The following SPRN variants were observed in gnomAD, a reference collection of about 807,000 sequenced individuals.
SPRN encodes hypothetical protein BC004409.
For missense variants in SPRN, 312 were observed against 241.4 expected, an observed-to-expected ratio of 1.29 and a Z score of -1.94; for synonymous variants, 182 against 123.4, an observed-to-expected ratio of 1.48 and a Z score of -3.15.
chr10:133,423,366 C>T lies in SPRN; in HGVS notation c.316G>A (p.Gly106Arg), dbSNP rs1362473859. 3.3e-6 allele frequency: 5 copies of T among 1,508,600 alleles called. No homozygotes were observed. The highest frequency in any genetic ancestry group is 2.5e-5 in the South Asian group (2 of 81,102). The allele number at this position is 1,508,600 out of a possible 1,614,324, so 93.5% of individuals were successfully genotyped here. A position where few individuals can be genotyped will look rare whatever the true frequency, so the allele number is the denominator to read the frequency against. ...GERGLEDEED[G>R]VPGGNGTGPG... ...CCTGTCCCGTTGCCTCCGGGCACCC[C>T]GTCCTCCTCGTCCTCCAGGCCGCGT... is the stretch of plus-strand genomic sequence containing the variant. Residue 106 changes from glycine to arginine, a missense_variant, in exon 2 of 2, where the codon GGG (glycine) becomes AGG (arginine). By Grantham distance (125) the Gly-to-Arg change is moderately radical (BLOSUM62 -2). Transcript: ENST00000685335.
At position 133,423,451 on chromosome 10, in the gene SPRN, C is replaced by T. The variant is rs1341971339; in HGVS notation, c.231G>A (p.Ala77=). 19 of 1,223,406 alleles carry T rather than the reference C, an allele frequency of 1.6e-5. No homozygotes were observed. The highest frequency in any genetic ancestry group is 7.3e-5 in the South Asian group (2 of 27,264). The allele number at this position is 1,223,406 out of a possible 1,614,324, so 75.8% of individuals were successfully genotyped here. A position where few individuals can be genotyped will look rare whatever the true frequency, so the allele number is the denominator to read the frequency against. ...AAAGAAAGAA[A]GAAAGLAAGS... ...CCGCCGCCAGGCCCGCGGCCGCTCCCGCCGCCGCCCCGGCTGCCGCCCCGG... is the reference window on the plus strand; with the variant it reads ...CCGCCGCCAGGCCCGCGGCCGCTCCTGCCGCCGCCCCGGCTGCCGCCCCGG... Residue 77 remains alanine, a synonymous_variant, in exon 2 of 2, where the codon GCG becomes GCA. Transcript: ENST00000685335.
chr10:133,423,715 A>G lies in SPRN; in HGVS notation c.-16-18T>C. On this transcript the variant is annotated intron_variant, in intron 1 of 1. Coordinates refer to ENST00000685335, the MANE Select transcript of SPRN (RefSeq NM_001391974.1). ...GGCTAAACCTGCGGGAAGAGAGGGAAAGGGCCCTTAGTTTCCATGGAGATC... is the reference window on the plus strand; with the variant it reads ...GGCTAAACCTGCGGGAAGAGAGGGAGAGGGCCCTTAGTTTCCATGGAGATC... 2 of 1,456,664 alleles carry G rather than the reference A, an allele frequency of 1.4e-6. No homozygotes were observed. The highest frequency in any genetic ancestry group is 1.8e-6 in the Non-Finnish European group (2 of 1,084,782). The allele number at this position is 1,456,664 out of a possible 1,614,324, so 90.2% of individuals were successfully genotyped here.
chr10:133,422,242 G>A lies in SPRN; in HGVS notation c.*984C>T. The A allele has an allele frequency of 6.6e-6, 1 of 152,514 alleles. No individual in the cohort carries two copies. The highest frequency in any genetic ancestry group is 1.5e-5 in the Non-Finnish European group (1 of 68,170). The allele number at this position is 152,514 out of a possible 1,614,324, so 9.4% of individuals were successfully genotyped here. A position where few individuals can be genotyped will look rare whatever the true frequency, so the allele number is the denominator to read the frequency against. On this transcript the variant is annotated 3_prime_UTR_variant, in exon 2 of 2. Transcript: ENST00000685335. ...GGCTCCACTGAGCAGGCCGTCAGCT[G>A]CCAGCCCACCACGCGGATACCCAGG... is the stretch of plus-strand genomic sequence containing the variant.
In SPRN at chr10:133,423,244, CA is replaced by C; in HGVS notation, c.437del (p.Leu146ArgfsTer71). Reference sequence around the variant, plus strand: ...GCCAGGCCTAGGGCCGCAGCAGCCCCAGGGCTCCGAGGGCGCCGCCCAGCAC... The same window carrying C: ...GCCAGGCCTAGGGCCGCAGCAGCCCCGGGCTCCGAGGGCGCCGCCCAGCAC... ...CLVLGGALGALGLLRP is the reference protein window; with the variant it reads ...CLVLGGALGAXGLLRP On this transcript the variant is annotated frameshift_variant, in exon 2 of 2. Transcript: ENST00000685335. LOFTEE classifies it high-confidence loss of function. 2.0e-6 allele frequency: 3 copies of C among 1,477,708 alleles called. No homozygotes were observed. Among genetic ancestry groups the C allele is most frequent in the Non-Finnish European group, 2.7e-6 (3 of 1,115,892 alleles). The allele number at this position is 1,477,708 out of a possible 1,614,324, so 91.5% of individuals were successfully genotyped here. A position where few individuals can be genotyped will look rare whatever the true frequency, so the allele number is the denominator to read the frequency against.
rs1463824738 is a variant in SPRN, at chr10:133,423,463, G to A, written c.219C>T (p.Ala73=). The A allele has an allele frequency of 4.3e-6, 5 of 1,170,944 alleles. No homozygotes were observed. Among genetic ancestry groups the A allele is most frequent in the African/African-American group, 1.7e-5 (1 of 59,538 alleles). The allele number at this position is 1,170,944 out of a possible 1,614,324, so 72.5% of individuals were successfully genotyped here. A position where few individuals can be genotyped will look rare whatever the true frequency, so the allele number is the denominator to read the frequency against. The change falls in exon 2 of 2, where the codon GCC becomes GCT. Residue 73 remains alanine (A), a synonymous_variant. Transcript: ENST00000685335. The part of the protein sequence containing the change: ...SLRVAAAGAA[A]GAAAGAAAGL... ...CCGCGGCCGCTCCCGCCGCCGCCCC[G>A]GCTGCCGCCCCGGCGGCAGCCACGC...
rs1850293094 is a variant in SPRN, at chr10:133,423,369, C to A, written c.313G>T (p.Asp105Tyr). 1 of 1,508,746 alleles carries A rather than the reference C, an allele frequency of 6.6e-7. No individual in the cohort carries two copies. Among genetic ancestry groups the A allele is most frequent in the South Asian group, 1.2e-5 (1 of 81,090 alleles). 93.5% of individuals were successfully genotyped at this position (1,508,746 alleles called of 1,614,324 possible). Reference sequence around the variant, plus strand: ...GTCCCGTTGCCTCCGGGCACCCCGTCCTCCTCGTCCTCCAGGCCGCGTTCC... The same window carrying A: ...GTCCCGTTGCCTCCGGGCACCCCGTACTCCTCGTCCTCCAGGCCGCGTTCC... ...PGERGLEDEE[D>Y]GVPGGNGTGP... is the part of the protein sequence containing the mutation. The change falls in exon 2 of 2, where the codon GAC becomes TAC. Residue 105 changes from aspartate (D) to tyrosine (Y), a missense_variant. By Grantham distance (160) the Asp-to-Tyr change is radical (BLOSUM62 -3). Transcript: ENST00000685335.
Position 133,423,549 on chromosome 10 carries a change from C to G in SPRN, c.133G>C (p.Gly45Arg). The G allele has an allele frequency of 7.9e-7, 1 of 1,266,704 alleles. No individual in the cohort carries two copies. The highest frequency in any genetic ancestry group is 9.9e-7 in the Non-Finnish European group (1 of 1,007,792). The allele number at this position is 1,266,704 out of a possible 1,614,324, so 78.5% of individuals were successfully genotyped here. The change falls in exon 2 of 2, where the codon GGG becomes CGG. Residue 45 changes from glycine to arginine, a missense_variant. Physicochemically the swap from Gly to Arg is moderately radical, Grantham distance 125 (BLOSUM62 -2). Coordinates refer to ENST00000685335, the MANE Select transcript of SPRN (RefSeq NM_001391974.1). Reference sequence around the variant, plus strand: ...GGCCTCACGCGCACCCTCGAGGCCCCGCGCGCACCCCCGCGGACCCCTCCC... The same window carrying G: ...GGCCTCACGCGCACCCTCGAGGCCCGGCGCGCACCCCCGCGGACCCCTCCC... ...ARGGVRGGAR[G>R]ASRVRVRPAQ... is the part of the protein sequence containing the mutation.
At position 133,421,911 on chromosome 10, in the gene SPRN, A is replaced by AGGGGGGG. The variant is rs1219971034; in HGVS notation, c.*1314_*1315insCCCCCCC. On this transcript the variant is annotated 3_prime_UTR_variant, in exon 2 of 2. Transcript: ENST00000685335. ...AGATCCCAAGGCCACGGCGGGGGGC[A>AGGGGGGG]GGGAGAACCCCTCCTACCCTGGATG... is the stretch of plus-strand genomic sequence containing the variant. The AGGGGGGG allele has an allele frequency of 8.4e-5, 10 of 118,810 alleles. No homozygotes were observed. The highest frequency in any genetic ancestry group is 1.9e-4 in the Admixed American group (2 of 10,274). 7.4% of individuals were successfully genotyped at this position (118,810 alleles called of 1,614,324 possible).
Position 133,421,348 on chromosome 10 carries a change from C to T in SPRN, c.*1878G>A, listed in dbSNP as rs1018843270. ...AAGTGTCCATCATAACTGGAACATTCCATCAGCTTGCAGTGCTGTGGTGTG... is the reference window on the plus strand; with the variant it reads ...AAGTGTCCATCATAACTGGAACATTTCATCAGCTTGCAGTGCTGTGGTGTG... On this transcript the variant is annotated 3_prime_UTR_variant, in exon 2 of 2. Coordinates refer to ENST00000685335, the MANE Select transcript of SPRN (RefSeq NM_001391974.1). 1.3e-5 allele frequency: 2 copies of T among 153,428 alleles called. No homozygotes were observed. The highest frequency in any genetic ancestry group is 4.8e-5 in the African/African-American group (2 of 41,578). The allele number at this position is 153,428 out of a possible 1,614,324, so 9.5% of individuals were successfully genotyped here.
At chr10:133,423,974 G>GCGC (rs1477096820) in intron 1 of SPRN, among the ~76,000 whole-genome samples, 16 of 131,046 alleles carry the variant, frequency 1.2e-4, no homozygotes, top group Non-Finnish European at 1.9e-4. Context: ...CGGGGCAGGA[G>GCGC]CGTTCAGGCC....
In SPRN at chr10:133,423,349, G is replaced by A; in HGVS notation, c.333C>T (p.Asn111=). 1 of 1,516,944 alleles carries A rather than the reference G, an allele frequency of 6.6e-7. No individual in the cohort carries two copies. The highest frequency in any genetic ancestry group is 1.9e-4 in the Middle Eastern group (1 of 5,160). The allele number at this position is 1,516,944 out of a possible 1,614,324, so 94.0% of individuals were successfully genotyped here. ...EDEEDGVPGG[N]GTGPGIYSYR... ...AGCTGTAGATGCCGGGGCCTGTCCC[G>A]TTGCCTCCGGGCACCCCGTCCTCCT... Residue 111 remains asparagine, a synonymous_variant, in exon 2 of 2, where the codon AAC becomes AAT. Coordinates refer to ENST00000685335, the MANE Select transcript of SPRN (RefSeq NM_001391974.1).
rs1464870602 is a variant in SPRN at position 133,423,316 on chromosome 10, C to T, written c.366G>A (p.Ala122=). 6.6e-7 allele frequency: 1 copy of T among 1,521,768 alleles called. No individual in the cohort carries two copies. Among genetic ancestry groups the T allele is most frequent in the Non-Finnish European group, 8.8e-7 (1 of 1,139,896 alleles). 94.3% of individuals were successfully genotyped at this position (1,521,768 alleles called of 1,614,324 possible). A position where few individuals can be genotyped will look rare whatever the true frequency, so the allele number is the denominator to read the frequency against. ...GCGTGGGTCCAGCGCCCGAAGTCCA[C>T]GCCCGGTAGCTGTAGATGCCGGGGC... ...GTGPGIYSYR[A]WTSGAGPTRG... The change falls in exon 2 of 2, where the codon GCG becomes GCA. Residue 122 remains alanine (A), a synonymous_variant. Transcript: ENST00000685335.
chr10:133,424,341 G>C, intron 1 of SPRN, 132 bp downstream of exon 1: 1 of 143,702 alleles, frequency 7.0e-6, no homozygotes, highest in African/African-American at 2.7e-5. Flanking sequence ...TAGTTCAGCA[G>C]CTGGCTGGGG....
chr10:133,423,395 C>T lies in SPRN; in HGVS notation c.287G>A (p.Gly96Glu), dbSNP rs1221136802. The change falls in exon 2 of 2, where the codon GGG (glycine) becomes GAG (glutamate). Residue 96 changes from glycine (G) to glutamate (E), a missense_variant. Gly to Glu is a moderately conservative substitution (Grantham distance 98). Coordinates refer to ENST00000685335, the MANE Select transcript of SPRN (RefSeq NM_001391974.1). ...GSGWRRAAGP[G>E]ERGLEDEEDG... ...CTCCTCGTCCTCCAGGCCGCGTTCC[C>T]CGGGTCCCGCGGCCCTTCTCCAGCC... 3.8e-5 allele frequency: 57 copies of T among 1,492,542 alleles called. No homozygotes were observed. The East Asian group carries it at 1.5e-3, about 39-fold the overall frequency. The allele number at this position is 1,492,542 out of a possible 1,614,324, so 92.5% of individuals were successfully genotyped here.
At position 133,421,924 on chromosome 10, in the gene SPRN, C is replaced by G. The variant is rs1384271889; in HGVS notation, c.*1302G>C. ...ACGGCGGGGGGCAGGGAGAACCCCT[C>G]CTACCCTGGATGAGTGGGTGACTGG... On this transcript the variant is annotated 3_prime_UTR_variant, in exon 2 of 2. Transcript: ENST00000685335. The G allele has an allele frequency of 8.0e-6, 1 of 125,230 alleles. No individual in the cohort carries two copies. Among genetic ancestry groups the G allele is most frequent in the Non-Finnish European group, 1.7e-5 (1 of 57,320 alleles). 7.8% of individuals were successfully genotyped at this position (125,230 alleles called of 1,614,324 possible). A position where few individuals can be genotyped will look rare whatever the true frequency, so the allele number is the denominator to read the frequency against.
Position 133,423,658 on chromosome 10 carries a change from G to A in SPRN, c.24C>T (p.Cys8=). 6.3e-7 allele frequency: 1 copy of A among 1,588,088 alleles called. No homozygotes were observed. Residue 8 remains cysteine (C), a synonymous_variant, in exon 2 of 2, where the codon TGC becomes TGT. Coordinates refer to ENST00000685335, the MANE Select transcript of SPRN (RefSeq NM_001391974.1). ...AGGCGGCCGCCAGTAGCAGAGCCCA[G>A]CACGTTGCGGGTGCCCAGTTCATCT... MNWAPAT[C]WALLLAAAFL...
At chr10:133,423,834 G>A (rs1850308624) in intron 1 of SPRN, 137 bp from the exon 2 acceptor site, 1 of 540,364 alleles carries the variant, frequency 1.9e-6, no homozygotes, top group South Asian at 3.7e-5. Context: ...GAGGCCCACT[G>A]AGGCCTGGGG....
chr10:133,423,251 C>G lies in SPRN; in HGVS notation c.431G>C (p.Gly144Ala). 2.7e-6 allele frequency: 4 copies of G among 1,483,530 alleles called. No individual in the cohort carries two copies. Among genetic ancestry groups the G allele is most frequent in the Non-Finnish European group, 3.6e-6 (4 of 1,119,104 alleles). The allele number at this position is 1,483,530 out of a possible 1,614,324, so 91.9% of individuals were successfully genotyped here. ...CTAGGGCCGCAGCAGCCCCAGGGCT[C>G]CGAGGGCGCCGCCCAGCACGAGACA... Reference protein sequence around the residue: ...RLCLVLGGALGALGLLRP With the variant: ...RLCLVLGGALAALGLLRP The change falls in exon 2 of 2, where the codon GGA becomes GCA. Residue 144 changes from glycine to alanine, a missense_variant. Coordinates refer to ENST00000685335, the MANE Select transcript of SPRN (RefSeq NM_001391974.1).
intron 1 of SPRN, among the ~76,000 whole-genome samples, chr10:133,423,916 G>A (rs1193644060): frequency 3.3e-5 from 5 of 152,272 alleles, no homozygotes; most frequent in African/African-American, 1.2e-4. Context: ...GGTGGGGCAG[G>A]AGGGTTCTGC....
Sources: gnomAD v4.1 joint callset for allele counts (sites outside exome capture counted in the v4.1 genomes callset) on GRCh38, gnomAD v4.1.1 for gene constraint, MANE v1.5 for transcripts, NCBI Gene and HGNC (gene_info 2026-07-23, HGNC 2026-07-21) for gene names.